The following POLR1C variants were observed in gnomAD, a reference collection of about 807,000 sequenced individuals.
The protein encoded by POLR1C is RNA polymerase I and III subunit C.
A neutral mutation model predicts 38.3 loss-of-function variants in POLR1C; 42 were observed. That is an observed-to-expected ratio of 1.10 (90% CI 0.86 to 1.42). The LOEUF is 1.42. Ranked by LOEUF, POLR1C falls within the 40% of genes most tolerant of loss-of-function variation. POLR1C has a pLI of 0.00. For synonymous variants in POLR1C, 163 were observed against 163.9 expected (o/e 0.99, Z 0.04); for missense variants, 507 against 450.5 (o/e 1.13, Z -1.14).
chr6:43,546,402 G>A (rs1794965670), intron 9 of POLR1C, among the ~76,000 whole-genome samples: 1 of 152,206 alleles, frequency 6.6e-6, no homozygotes, highest in Non-Finnish European at 1.5e-5. Context: ...ATGCAAGTGA[G>A]AGCTGATGTT....
chr6:43,545,817 C>G (rs976295927), intron 9 of POLR1C, among the ~76,000 whole-genome samples: 2 of 152,082 alleles, frequency 1.3e-5, no homozygotes, highest in Non-Finnish European at 2.9e-5. Flanking sequence ...AGAGACCATC[C>G]CTGAGTCATC....
intron 8 of POLR1C, chr6:43,527,383 T>C (rs1793663533): frequency 6.3e-6 from 2 of 318,532 alleles, no homozygotes; most frequent in Non-Finnish European, 1.2e-5. Context: ...GCGATTCTCC[T>C]ACCTCAGCCT....
chr6:43,539,688 C>T (rs1011568883), intron 9 of POLR1C: 13 of 800,606 alleles, frequency 1.6e-5, no homozygotes, highest in Admixed American at 2.8e-5. Context: ...CCCACTGCAC[C>T]GGCGTCATCC....
exon 11 of POLR1C, chr6:43,562,265 A>G: frequency 6.2e-7 from 1 of 1,607,652 alleles, no homozygotes; most frequent in Non-Finnish European, 8.5e-7. Flanking sequence ...CACACAGCTG[A>G]TTGCCCAGCG....
intron 8 of POLR1C, chr6:43,528,061 T>G: frequency 7.9e-7 from 1 of 1,264,912 alleles, no homozygotes; most frequent in East Asian, 2.5e-5. Flanking sequence ...CTACTGCTCT[T>G]CTACCCTGGG....
downstream of POLR1C, chr6:43,525,761 C>G (rs942520963): frequency 1.4e-6 from 2 of 1,456,388 alleles, no homozygotes; most frequent in Non-Finnish European, 1.9e-6. Flanking sequence ...CTCTTGATAG[C>G]ACCATAGAGC....
rs753625138 is a variant in POLR1C, at chr6:43,517,368, C to T, written c.132C>T (p.Arg44=). 6.2e-7 allele frequency: 1 copy of T among 1,613,812 alleles called. No individual in the cohort carries two copies. Among genetic ancestry groups the T allele is most frequent in the Non-Finnish European group, 8.5e-7 (1 of 1,179,962 alleles). The change falls in exon 2 of 9, where the codon CGC becomes CGT. Residue 44 remains arginine, a synonymous_variant. Transcript: ENST00000642195. ...ATGATGATGCCTGGGACCAGGACCGCTTCGAGAAGGTAAGTGGGGCCGGAG... is the reference window on the plus strand; with the variant it reads ...ATGATGATGCCTGGGACCAGGACCGTTTCGAGAAGGTAAGTGGGGCCGGAG... ...SGYDDAWDQD[R]FEKNFRVDVV... is the part of the protein sequence containing the mutation.
downstream of POLR1C, chr6:43,522,573 G>A: frequency 3.3e-6 from 1 of 305,860 alleles, no homozygotes; most frequent in South Asian, 2.6e-5. Context: ...GAAACCCAGA[G>A]CACCACACAG....
intron 8 of POLR1C, chr6:43,527,185 T>C (rs543192658): frequency 1.2e-4 from 25 of 210,998 alleles, no homozygotes; most frequent in Non-Finnish European, 8.8e-5. Flanking sequence ...CATATTCAGC[T>C]TGCAATTCAT....
At chr6:43,517,523 C>T in intron 2 of POLR1C, 146 bp downstream of exon 2, 1 of 709,382 alleles carries the variant, frequency 1.4e-6, no homozygotes, top group Non-Finnish European at 2.5e-6. Flanking sequence ...CGTTTACAGG[C>T]CAAATTAGAC....
chr6:43,524,066 C>T (rs1400514273), downstream of POLR1C: 3 of 1,576,060 alleles, frequency 1.9e-6, no homozygotes, highest in Admixed American at 5.4e-5. Flanking sequence ...AAAAGATTCT[C>T]TTGGCCCGGC....
downstream of POLR1C, chr6:43,524,061 AT>A: frequency 1.3e-6 from 2 of 1,587,106 alleles, no homozygotes; most frequent in South Asian, 2.2e-5. Context: ...TAGTTAAAAG[AT>A]TCTCTTGGCC....
At chr6:43,558,406 C>A in intron 10 of POLR1C, 1 of 1,143,904 alleles carries the variant, frequency 8.7e-7, no homozygotes, top group Non-Finnish European at 1.2e-6. Context: ...ATTTGGGGAT[C>A]TTTCGTAAAA....
At chr6:43,528,596 G>A (rs1268583404) in intron 8 of POLR1C, among the ~76,000 whole-genome samples, 1 of 152,146 alleles carries the variant, frequency 6.6e-6, no homozygotes, top group Non-Finnish European at 1.5e-5. Flanking sequence ...GTTAACAGGA[G>A]GTTAGGAGCA....
At chr6:43,532,753 C>A (rs1326763094), downstream of POLR1C, among the ~76,000 whole-genome samples, 1 of 152,200 alleles carries the variant, frequency 6.6e-6, no homozygotes, top group Admixed American at 6.5e-5. Flanking sequence ...CAGAGCCCTG[C>A]CACTTTCCTT....
intron 9 of POLR1C, chr6:43,548,156 C>T: frequency 9.1e-7 from 1 of 1,093,298 alleles, no homozygotes; most frequent in Non-Finnish European, 1.3e-6. Context: ...TGGATAATGC[C>T]ATCACACTTC....
chr6:43,524,604 A>T, downstream of POLR1C: 1 of 1,613,994 alleles, frequency 6.2e-7, no homozygotes, highest in Non-Finnish European at 8.5e-7. Context: ...GATTTGCTCC[A>T]TTACAGCTCT....
downstream of POLR1C, among the ~76,000 whole-genome samples, chr6:43,531,763 C>G (rs552161066): frequency 1.3e-5 from 2 of 152,026 alleles, no homozygotes; most frequent in Admixed American, 1.3e-4. Context: ...TACTTAAGGA[C>G]CCAGGACTTT....
downstream of POLR1C, chr6:43,525,915 T>G (rs368435338): frequency 4.3e-6 from 7 of 1,613,864 alleles, no homozygotes; most frequent in African/African-American, 2.7e-5. Context: ...GGCCATCATT[T>G]CTTCATCTGT....
Sources: allele counts gnomAD v4.1 joint callset (sites outside exome capture counted in the v4.1 genomes callset), GRCh38; gene constraint gnomAD v4.1.1; transcripts MANE v1.5; gene names NCBI Gene and HGNC (gene_info 2026-07-23, HGNC 2026-07-21).